ZMYM1: variants seen among roughly 807,000 people sequenced by gnomAD.
The protein encoded by ZMYM1 is zinc finger MYM-type containing 1.
In ZMYM1, 39 loss-of-function variants were observed where a neutral mutation model predicts 60.0. The ratio of observed to expected loss-of-function variants is 0.65; its 90% CI spans 0.50 to 0.85. ZMYM1 has a LOEUF of 0.85. ZMYM1 is among the 40% of genes least tolerant of loss of function. ZMYM1 has a pLI of 0.00. For synonymous variants in ZMYM1, 413 were observed against 454.0 expected (o/e 0.91, Z 1.15); for missense variants, 1,171 against 1,309.5 (o/e 0.89, Z 1.63).
intron 1 of ZMYM1, among the ~76,000 whole-genome samples, chr1:35,087,308 A>T (rs2148499444): frequency 6.6e-6 from 1 of 152,168 alleles, no homozygotes; most frequent in South Asian, 2.1e-4. Context: ...TCATTTTTTA[A>T]CAGTAGTTTG....
chr1:35,088,394 G>A (rs1642774782), intron 1 of ZMYM1, among the ~76,000 whole-genome samples: 1 of 142,136 alleles, frequency 7.0e-6, no homozygotes, highest in Non-Finnish European at 1.5e-5. Flanking sequence ...CTCCAGCATG[G>A]GCAACAGAGT....
intron 4 of ZMYM1, among the ~76,000 whole-genome samples, chr1:35,099,563 G>A (rs959239088): frequency 1.1e-4 from 16 of 152,110 alleles, no homozygotes; most frequent in Non-Finnish European, 1.9e-4. Flanking sequence ...TAGAAAGATG[G>A]TAGTAAATTT....
At chr1:35,118,241 C>CAAAAAA (rs11364403), downstream of ZMYM1, among the ~76,000 whole-genome samples, 1 of 100,152 alleles carries the variant, frequency 1.0e-5, no homozygotes, top group Admixed American at 9.9e-5. Context: ...AACTCCGTCT[C>CAAAAAA]AAAAAAAAAA....
intron 1 of ZMYM1, among the ~76,000 whole-genome samples, chr1:35,060,956 C>A (rs1641864070): frequency 6.6e-6 from 1 of 152,182 alleles, no homozygotes; most frequent in Non-Finnish European, 1.5e-5. Flanking sequence ...GCTCTGGGCC[C>A]ACCTGGAACA....
chr1:35,098,275 G>A (rs557898536), intron 4 of ZMYM1, among the ~76,000 whole-genome samples: 1 of 151,904 alleles, frequency 6.6e-6, no homozygotes. Context: ...AAAATTGATG[G>A]CCATAGATAA....
At chr1:35,091,575 C>CA (rs1230311044) in intron 1 of ZMYM1, among the ~76,000 whole-genome samples, 3 of 151,982 alleles carry the variant, frequency 2.0e-5, no homozygotes, top group Admixed American at 2.0e-4. Context: ...TGGGGAAAAA[C>CA]AGCCCATAGG....
In ZMYM1 at chr1:35,114,620, T is replaced by A; in HGVS notation, c.2790T>A (p.Val930=). ...CQKITCKGFK[V]EKPSLQKRRK... ...AAATAACCTGTAAAGGTTTTAAAGT[T>A]GAAAAACCTTCTCTTCAGAAAAGAA... Residue 930 remains valine (V), a synonymous_variant, in exon 10 of 10, where the codon GTT becomes GTA. Coordinates refer to ENST00000359858, the MANE Select transcript of ZMYM1 (RefSeq NM_024772.5). The A allele has an allele frequency of 1.2e-6, 2 of 1,607,556 alleles. No homozygotes were observed. The highest frequency in any genetic ancestry group is 1.7e-6 in the Non-Finnish European group (2 of 1,178,360).
Position 35,063,661 on chromosome 1 carries a change from C to A in ZMYM1, c.-301+3736C>A, listed in dbSNP as rs115465191. Among the ~76,000 whole-genome samples the A allele has an allele frequency of 5.7e-3, 864 of 151,878 alleles. 11 individuals are homozygous for A. The highest frequency in any genetic ancestry group is 0.019 in the African/African-American group (785 of 41,406). ...ATAAGGCCGCAGCTAACAACAACAACAAAAAAATGTAGTCCATCTGTATGC... is the reference window on the plus strand; with the variant it reads ...ATAAGGCCGCAGCTAACAACAACAAAAAAAAAATGTAGTCCATCTGTATGC... On this transcript the variant is annotated intron_variant, in intron 1 of 10. Coordinates refer to the ZMYM1 transcript ENST00000417119.
At chr1:35,105,041 A>G (rs1020873237) in intron 6 of ZMYM1, among the ~76,000 whole-genome samples, 1 of 152,146 alleles carries the variant, frequency 6.6e-6, no homozygotes, top group Non-Finnish European at 1.5e-5. Flanking sequence ...TAAGTATAGC[A>G]AAAATAACAA....
chr1:35,065,148 A>T (rs1641949905), intron 1 of ZMYM1, among the ~76,000 whole-genome samples: 1 of 152,114 alleles, frequency 6.6e-6, no homozygotes. Flanking sequence ...GCATGGGTCC[A>T]CTTTTATATG....
intron 1 of ZMYM1, among the ~76,000 whole-genome samples, chr1:35,068,013 A>C (rs1048453706): frequency 6.6e-6 from 1 of 151,972 alleles, no homozygotes; most frequent in African/African-American, 2.4e-5. Context: ...TCTTGGACTC[A>C]TGGTCTCAAG....
At chr1:35,071,632 C>T (rs897887600) in intron 1 of ZMYM1, among the ~76,000 whole-genome samples, 7 of 152,116 alleles carry the variant, frequency 4.6e-5, no homozygotes, top group African/African-American at 7.2e-5. Flanking sequence ...CTGCACCCAG[C>T]CTTCCAGTTT....
intron 8 of ZMYM1, 25 bp downstream of exon 8, chr1:35,111,937 G>C (rs556813581): frequency 7.7e-6 from 12 of 1,568,134 alleles, no homozygotes; most frequent in Non-Finnish European, 1.0e-5. Flanking sequence ...TAAGATATTT[G>C]ACATAAATAT....
chr1:35,072,774 C>A (rs1343197061), intron 1 of ZMYM1, among the ~76,000 whole-genome samples: 2 of 151,914 alleles, frequency 1.3e-5, no homozygotes, highest in Non-Finnish European at 2.9e-5. Flanking sequence ...ATAGTGAAAC[C>A]CCATCTCTAC....
At position 35,092,218 on chromosome 1, in the gene ZMYM1, G is replaced by A. The variant is rs575504301; in HGVS notation, c.-74-1696G>A. Among the ~76,000 whole-genome samples, 7 of 150,878 alleles carry A rather than the reference G, an allele frequency of 4.6e-5. No homozygotes were observed. In the South Asian group the frequency reaches 1.3e-3, roughly 27 times the overall value. Reference sequence around the variant, plus strand: ...TGGGATTACAGGCATGAGCCACTGCGCCCGGCCAAAGACTTCGTTTTTTTG... The same window carrying A: ...TGGGATTACAGGCATGAGCCACTGCACCCGGCCAAAGACTTCGTTTTTTTG... On this transcript the variant is annotated intron_variant, in intron 1 of 9. Transcript: ENST00000359858.
chr1:35,111,731 G>A, intron 7 of ZMYM1, 41 bp from the exon 8 acceptor site: 2 of 1,520,124 alleles, frequency 1.3e-6, no homozygotes. Context: ...TCTGATGATT[G>A]ATTTTGCCTT....
chr1:35,075,320 T>G (rs2148480960), upstream of ZMYM1, among the ~76,000 whole-genome samples: 1 of 152,242 alleles, frequency 6.6e-6, no homozygotes, highest in South Asian at 2.1e-4. Flanking sequence ...ATGTTGGGTC[T>G]TGCTTTTTTG....
intron 1 of ZMYM1, among the ~76,000 whole-genome samples, chr1:35,072,610 T>C (rs544582524): frequency 6.6e-6 from 1 of 152,268 alleles, no homozygotes; most frequent in East Asian, 1.9e-4. Flanking sequence ...TTTTTTCTTG[T>C]TTTTCTAGTT....
intron 5 of ZMYM1, 22 bp from the exon 6 acceptor site, chr1:35,104,535 G>C (rs764472719): frequency 1.2e-6 from 2 of 1,612,486 alleles, no homozygotes; most frequent in African/African-American, 2.7e-5. Flanking sequence ...AGTTTTTACT[G>C]AATCTTTTTA....
Sources: gnomAD v4.1 joint callset for allele counts (sites outside exome capture counted in the v4.1 genomes callset) on GRCh38, gnomAD v4.1.1 for gene constraint, MANE v1.5 for transcripts, NCBI Gene and HGNC (gene_info 2026-07-23, HGNC 2026-07-21) for gene names.